Variants in ZNF780A observed in about 807,000 individuals in gnomAD.
ZNF780A encodes the protein zinc finger protein 780A.
ZNF780A carries 40 observed loss-of-function variants against 56.7 expected under a neutral mutation model. The ratio of observed to expected loss-of-function variants is 0.71; its 90% CI spans 0.55 to 0.92. ZNF780A has a LOEUF of 0.92. ZNF780A is among the 40% of genes least tolerant of loss of function. ZNF780A has a pLI of 0.00. For missense variants in ZNF780A, 672 were observed against 783.3 expected (o/e 0.86, Z 1.70); for synonymous variants, 231 against 248.3 (o/e 0.93, Z 0.66).
rs778332867 is a variant in ZNF780A at position 40,075,414 on chromosome 19, G to A, written c.1028C>T (p.Thr343Ile). 5 of 1,613,780 alleles carry A rather than the reference G, an allele frequency of 3.1e-6. No individual in the cohort carries two copies. The highest frequency in any genetic ancestry group is 1.6e-4 in the Middle Eastern group (1 of 6,062). ...FECKECGKAF[T>I]LLTKLVRHQK... ...ATGTCGAACAAGCTTTGTCAGAAGAGTAAACGCCTTTCCACATTCTTTACA... is the reference window on the plus strand; with the variant it reads ...ATGTCGAACAAGCTTTGTCAGAAGAATAAACGCCTTTCCACATTCTTTACA... Residue 343 changes from threonine (T) to isoleucine (I), a missense_variant, in exon 6 of 6, where the codon ACT (threonine) becomes ATT (isoleucine). Transcript: ENST00000683561.
intron 1 of ZNF780A, 179 bp from the exon 2 acceptor site, chr19:40,090,414 A>G (rs1194787996): frequency 1.3e-5 from 2 of 152,284 alleles, no homozygotes; most frequent in Non-Finnish European, 2.9e-5. Flanking sequence ...TTCTGGGGAC[A>G]GAGCTCTGAG....
downstream of ZNF780A, chr19:40,071,980 G>C (rs1037024065): frequency 1.3e-5 from 2 of 152,166 alleles, no homozygotes; most frequent in Non-Finnish European, 2.9e-5. Flanking sequence ...AGATAGTCAG[G>C]GCCTGTGAAG....
At chr19:40,082,127 A>C (rs1295914292) in intron 4 of ZNF780A, among the ~76,000 whole-genome samples, 1 of 152,094 alleles carries the variant, frequency 6.6e-6, no homozygotes, top group Non-Finnish European at 1.5e-5. Flanking sequence ...TTATCCCTTG[A>C]AAAGAGGTAT....
downstream of ZNF780A, chr19:40,072,198 C>T (rs965717176): frequency 4.8e-5 from 11 of 231,410 alleles, no homozygotes; most frequent in African/African-American, 2.3e-4. Context: ...TTAATGACAT[C>T]GAAGGCACCC....
At chr19:40,079,790 T>C (rs1314210977) in intron 5 of ZNF780A, among the ~76,000 whole-genome samples, 1 of 151,632 alleles carries the variant, frequency 6.6e-6, no homozygotes, top group Non-Finnish European at 1.5e-5. Context: ...CAAATGAAAA[T>C]CAGAATACAA....
chr19:40,084,901 C>T (rs978848224), intron 2 of ZNF780A, 103 bp from the exon 3 acceptor site: 38 of 1,337,368 alleles, frequency 2.8e-5, no homozygotes, highest in South Asian at 1.8e-4. Flanking sequence ...CCTGCTAACA[C>T]GCACACTTCC....
chr19:40,072,956 T>C, downstream of ZNF780A: 2 of 1,545,246 alleles, frequency 1.3e-6, no homozygotes, highest in Non-Finnish European at 1.7e-6. Context: ...CTGTAAAAGA[T>C]GGTTTGGAAG....
chr19:40,070,657 T>G (rs1973787325), downstream of ZNF780A: 1 of 152,224 alleles, frequency 6.6e-6, no homozygotes, highest in Admixed American at 6.5e-5. Flanking sequence ...CTTCTCTGCT[T>G]TTAAAAGTAG....
intron 5 of ZNF780A, among the ~76,000 whole-genome samples, chr19:40,081,375 A>C (rs1974463521): frequency 6.6e-6 from 1 of 152,062 alleles, no homozygotes; most frequent in South Asian, 2.1e-4. Context: ...TCTACTAAAA[A>C]TACAAAAATT....
intron 2 of ZNF780A, 92 bp from the exon 3 acceptor site, chr19:40,084,890 TC>T (rs2144962748): frequency 7.0e-7 from 1 of 1,421,660 alleles, no homozygotes; most frequent in East Asian, 2.5e-5. Context: ...TCTCAACTAC[TC>T]CTGCTAACAC....
chr19:40,078,213 T>C (rs1241102757), intron 5 of ZNF780A, among the ~76,000 whole-genome samples: 9 of 151,672 alleles, frequency 5.9e-5, no homozygotes, highest in Non-Finnish European at 1.0e-4. Flanking sequence ...TCTCAGAACA[T>C]AAAGCCAATT....
At chr19:40,076,796 A>G (rs1974163029) in intron 5 of ZNF780A, among the ~76,000 whole-genome samples, 1 of 152,096 alleles carries the variant, frequency 6.6e-6, no homozygotes, top group East Asian at 1.9e-4. Flanking sequence ...CACCTTTGCT[A>G]CCTAAGCACT....
At chr19:40,085,865 C>T (rs557101317) in intron 2 of ZNF780A, among the ~76,000 whole-genome samples, 2 of 151,410 alleles carry the variant, frequency 1.3e-5, no homozygotes, top group African/African-American at 2.4e-5. Flanking sequence ...GGCAACAGAG[C>T]GAGCCTTCAT....
rs964843620 is a variant in ZNF780A, at chr19:40,075,377, A to G, written c.1065T>C (p.His355=). The change falls in exon 6 of 6, where the codon CAT becomes CAC. Residue 355 remains histidine, a synonymous_variant. Transcript: ENST00000683561. The part of the protein sequence containing the change: ...LTKLVRHQKI[H]TGEKPFECRE... Reference sequence around the variant, plus strand: ...TGCATTCAAAGGGTTTCTCACCAGTATGAATCTTCTGATGTCGAACAAGCT... The same window carrying G: ...TGCATTCAAAGGGTTTCTCACCAGTGTGAATCTTCTGATGTCGAACAAGCT... 6.2e-7 allele frequency: 1 copy of G among 1,614,050 alleles called. No homozygotes were observed.
Position 40,073,638 on chromosome 19 carries a change from G to A in ZNF780A, c.*878C>T. ...AGAATTATCTTCTCCGAACTCTAAGGTATTTAGTGTGGCTATAAAACGCCC... is the reference window on the plus strand; with the variant it reads ...AGAATTATCTTCTCCGAACTCTAAGATATTTAGTGTGGCTATAAAACGCCC... On this transcript the variant is annotated 3_prime_UTR_variant, in exon 6 of 6. Transcript: ENST00000683561. 1 of 985,956 alleles carries A rather than the reference G, an allele frequency of 1.0e-6. No homozygotes were observed. The highest frequency in any genetic ancestry group is 1.2e-6 in the Non-Finnish European group (1 of 830,410). The allele number at this position is 985,956 out of a possible 1,614,324, so 61.1% of individuals were successfully genotyped here.
chr19:40,085,932 TCA>T (rs1050275855), intron 2 of ZNF780A, among the ~76,000 whole-genome samples: 20 of 150,342 alleles, frequency 1.3e-4, no homozygotes, highest in African/African-American at 3.2e-4. Context: ...ATAGTTATAT[TCA>T]CACACACACA....
At chr19:40,081,568 A>C (rs911860106) in intron 5 of ZNF780A, among the ~76,000 whole-genome samples, 2 of 151,914 alleles carry the variant, frequency 1.3e-5, no homozygotes, top group Non-Finnish European at 2.9e-5. Context: ...GGAAAAAAAG[A>C]GGGAACTTAC....
chr19:40,072,205 AC>A (rs1973845860), downstream of ZNF780A: 1 of 230,484 alleles, frequency 4.3e-6, no homozygotes, highest in Non-Finnish European at 8.9e-6. Context: ...CATCGAAGGC[AC>A]CCCTCCAGAG....
At chr19:40,081,505 A>G (rs1475552135) in intron 5 of ZNF780A, among the ~76,000 whole-genome samples, 1 of 151,554 alleles carries the variant, frequency 6.6e-6, no homozygotes, top group Non-Finnish European at 1.5e-5. Flanking sequence ...TGCACTCCAC[A>G]CTGCAGGACA....
Sources: allele counts gnomAD v4.1 joint callset (sites outside exome capture counted in the v4.1 genomes callset), GRCh38; gene constraint gnomAD v4.1.1; transcripts MANE v1.5; gene names NCBI Gene and HGNC (gene_info 2026-07-23, HGNC 2026-07-21).